Variants in CELF2 observed in about 807,000 individuals in gnomAD.
CELF2 encodes CUGBP Elav-like family member 2, also known as CUG triplet repeat RNA-binding protein 2.
Under a neutral mutation model 62.6 loss-of-function variants are expected in CELF2, and 8 were observed. That is an observed-to-expected ratio of 0.13 (90% CI 0.07 to 0.23). CELF2 has a LOEUF of 0.23. Among genes scored for constraint, CELF2 ranks in the 10% least tolerant of loss-of-function variants. The pLI is 1.00. For synonymous variants in CELF2, 258 were observed against 250.0 expected, an observed-to-expected ratio of 1.03 and a Z score of -0.30; for missense variants, 333 against 671.0, an observed-to-expected ratio of 0.50 and a Z score of 5.56.
chr10:10,483,381 A>C, the CELF2 span, among the ~76,000 whole-genome samples: 1 of 152,228 alleles, frequency 6.6e-6, no homozygotes, highest in Admixed American at 6.5e-5. Context: ...GGAAGATTTC[A>C]TAGTGAGTTG....
At chr10:10,676,266 G>T in the CELF2 span, among the ~76,000 whole-genome samples, 145 of 152,282 alleles carry the variant, frequency 9.5e-4, 1 homozygote, top group Admixed American at 2.7e-3. Flanking sequence ...CCACCAGAAT[G>T]CCACAGTGGG....
At chr10:10,648,246 C>T in the CELF2 span, among the ~76,000 whole-genome samples, 1 of 152,174 alleles carries the variant, frequency 6.6e-6, no homozygotes, top group East Asian at 1.9e-4. Flanking sequence ...TATCAACATC[C>T]AGCATCCATC....
chr10:10,596,168 T>C, the CELF2 span, among the ~76,000 whole-genome samples: 1 of 152,200 alleles, frequency 6.6e-6, no homozygotes. Flanking sequence ...GCTCCATTTT[T>C]GTGTAGTGGG....
intron 1 of CELF2, among the ~76,000 whole-genome samples, chr10:11,093,169 A>G (rs1303115379): frequency 6.6e-6 from 1 of 152,154 alleles, no homozygotes; most frequent in Non-Finnish European, 1.5e-5. Context: ...GTTGAGTTCT[A>G]CAGAAGAAGA....
chr10:10,807,277 C>G (rs2055334012), intron 1 of CELF2, among the ~76,000 whole-genome samples: 1 of 152,190 alleles, frequency 6.6e-6, no homozygotes, highest in Non-Finnish European at 1.5e-5. Context: ...AGGACATGAC[C>G]ATTCTTACTC....
At chr10:10,607,874 T>C in the CELF2 span, among the ~76,000 whole-genome samples, 1 of 152,120 alleles carries the variant, frequency 6.6e-6, no homozygotes, top group Admixed American at 6.5e-5. Context: ...GAGAATCACT[T>C]GAACCCAGGA....
At chr10:10,493,629 T>C in the CELF2 span, among the ~76,000 whole-genome samples, 2 of 151,720 alleles carry the variant, frequency 1.3e-5, no homozygotes, top group Non-Finnish European at 2.9e-5. Flanking sequence ...CCTCCCAGAT[T>C]CAAGCAATTC....
chr10:11,254,985 C>A lies in CELF2; in HGVS notation c.404-2753C>A, dbSNP rs574578576. On this transcript the variant is annotated intron_variant, in intron 4 of 12. Coordinates refer to ENST00000633077, the MANE Select transcript of CELF2 (RefSeq NM_001326342.2). ...CACTTTCTCACAGGGCCTCCCCCAC[C>A]AGAATCCTCCCATGTTAGTGAGCAC... Among the ~76,000 whole-genome samples the A allele has an allele frequency of 6.6e-5, 10 of 152,322 alleles. No individual in the cohort carries two copies. The South Asian group carries it at 2.1e-3, about 32-fold the overall frequency.
chr10:11,328,002 T>C lies in CELF2; in HGVS notation c.1439-924T>C, dbSNP rs1361366871. Among the ~76,000 whole-genome samples, 2 of 152,244 alleles carry C rather than the reference T, an allele frequency of 1.3e-5. No individual in the cohort carries two copies. The highest frequency in any genetic ancestry group is 2.9e-5 in the Non-Finnish European group (2 of 68,048). ...CTTTACAGCCTTGCTATACCTCTGC[T>C]GCTGCCTCCCCCAGTGCTGGAACAG... is the stretch of plus-strand genomic sequence containing the variant. On this transcript the variant is annotated intron_variant, in intron 12 of 12. Transcript: ENST00000633077. This position sits in a 1 kb window ranked among gnomAD's most constrained non-coding sequence, Gnocchi z 6.4.
chr10:11,029,687 A>G (rs2059802079), intron 1 of CELF2, among the ~76,000 whole-genome samples: 1 of 152,364 alleles, frequency 6.6e-6, no homozygotes, highest in African/African-American at 2.4e-5. Context: ...ATTCTTGGGA[A>G]GGGAAAACTA....
At chr10:10,742,600 A>G in the CELF2 span, among the ~76,000 whole-genome samples, 1 of 152,190 alleles carries the variant, frequency 6.6e-6, no homozygotes, top group African/African-American at 2.4e-5. Flanking sequence ...AAAAAAAAAA[A>G]AAAAAAAGAA....
At chr10:10,551,950 C>CTTT in the CELF2 span, among the ~76,000 whole-genome samples, 1 of 151,720 alleles carries the variant, frequency 6.6e-6, no homozygotes, top group Non-Finnish European at 1.5e-5. Context: ...TTTCAGGGTG[C>CTTT]TTTTTTTTCT....
intron 1 of CELF2, among the ~76,000 whole-genome samples, chr10:10,811,494 C>A (rs1449203711): frequency 6.6e-6 from 1 of 151,934 alleles, no homozygotes; most frequent in Non-Finnish European, 1.5e-5. Context: ...GGAGAGGGGC[C>A]CTGGTCTTCC....
intron 9 of CELF2, among the ~76,000 whole-genome samples, chr10:11,298,331 G>A (rs2093395465): frequency 6.6e-6 from 1 of 152,224 alleles, no homozygotes; most frequent in African/African-American, 2.4e-5. Flanking sequence ...AAGCCAACAG[G>A]CACAAATCTG....
chr10:10,904,228 A>ATTT (rs11374267), intron 1 of CELF2, among the ~76,000 whole-genome samples: 4 of 148,294 alleles, frequency 2.7e-5, no homozygotes, highest in African/African-American at 9.9e-5. Context: ...TCCATTTTTA[A>ATTT]TTTTTTTTTT....
rs642349 is a variant in CELF2, at chr10:11,178,171, C to G, written c.271+12489C>G. Among the ~76,000 whole-genome samples the G allele has an allele frequency of 0.12, 18,701 of 152,230 alleles. 1,826 individuals are homozygous for G. The highest frequency in any genetic ancestry group is 0.27 in the African/African-American group (11,090 of 41,492). On this transcript the variant is annotated intron_variant, in intron 2 of 12. Transcript: ENST00000633077. The surrounding 1 kb of genome is among the most constrained non-coding windows in gnomAD (Gnocchi z 4.3). ...TGGTTCGGCGCAAAGAGGAAATGCG[C>G]GTTCTGTGCCCAGTCCTCGCTCCCC...
At chr10:10,929,959 A>T (rs1270485220) in intron 2 of CELF2, among the ~76,000 whole-genome samples, 1 of 152,258 alleles carries the variant, frequency 6.6e-6, no homozygotes. Context: ...ACACGAAAAT[A>T]ACAATCACTT....
intron 1 of CELF2, among the ~76,000 whole-genome samples, chr10:11,131,096 C>T (rs1343901672): frequency 6.6e-6 from 1 of 152,196 alleles, no homozygotes; most frequent in African/African-American, 2.4e-5. Context: ...ACTGAAAATA[C>T]TTGATAGCAA....
At chr10:10,828,178 A>G (rs1434924056) in intron 1 of CELF2, among the ~76,000 whole-genome samples, 2 of 152,148 alleles carry the variant, frequency 1.3e-5, no homozygotes, top group Admixed American at 1.3e-4. Context: ...AAGGAATTAA[A>G]AGCTGGTTCT....
Sources: gnomAD v4.1 joint callset for allele counts (sites outside exome capture counted in the v4.1 genomes callset) on GRCh38, gnomAD v4.1.1 for gene constraint, Gnocchi (gnomAD v3.1) non-coding constraint, MANE v1.5 for transcripts, NCBI Gene and HGNC (gene_info 2026-07-23, HGNC 2026-07-21) for gene names.